The following DIP2B variants were observed in gnomAD, a reference collection of about 807,000 sequenced individuals.
The protein encoded by DIP2B is disco-interacting protein 2 homolog B.
Under a neutral mutation model 198.0 loss-of-function variants are expected in DIP2B, and 76 were observed. The ratio of observed to expected loss-of-function variants is 0.38; its 90% confidence interval spans 0.32 to 0.46. DIP2B has a LOEUF of 0.46. DIP2B is among the 20% of genes least tolerant of loss of function. DIP2B has a pLI of 0.99. For synonymous variants in DIP2B, 701 were observed against 739.1 expected (o/e 0.95, Z 0.84); for missense variants, 1,559 against 1,978.4 (o/e 0.79, Z 4.02).
chr12:50,691,246 A>G lies in DIP2B; in HGVS notation c.1654+95A>G, dbSNP rs1379802477. ...GTGATTGGACCTCATTTAATGACCGAATTCAGAGTGAAATGTCCCAAGACA... is the reference window on the plus strand; with the variant it reads ...GTGATTGGACCTCATTTAATGACCGGATTCAGAGTGAAATGTCCCAAGACA... On this transcript the variant is annotated intron_variant, in intron 13 of 37. Coordinates refer to ENST00000301180, the MANE Select transcript of DIP2B (RefSeq NM_173602.3). 13 of 1,080,206 alleles carry G rather than the reference A, an allele frequency of 1.2e-5. No individual in the cohort carries two copies. The East Asian group carries it at 3.3e-4, about 27-fold the overall frequency. The allele number at this position is 1,080,206 out of a possible 1,614,324, so 66.9% of individuals were successfully genotyped here. A position where few individuals can be genotyped will look rare whatever the true frequency, so the allele number is the denominator to read the frequency against.
intron 37 of DIP2B, among the ~76,000 whole-genome samples, chr12:50,742,633 C>CGAG (rs1468517494): frequency 6.6e-6 from 1 of 152,014 alleles, no homozygotes; most frequent in Non-Finnish European, 1.5e-5. Flanking sequence ...TGGTGGCTCA[C>CGAG]GCCTATAATC....
chr12:50,579,690 T>C, intron 1 of DIP2B, among the ~76,000 whole-genome samples: 1 of 12,874 alleles, frequency 7.8e-5, no homozygotes, highest in Non-Finnish European at 1.3e-4. Flanking sequence ...TATATATATA[T>C]ATATATATAT....
intron 4 of DIP2B, among the ~76,000 whole-genome samples, chr12:50,668,988 G>A (rs1169796143): frequency 6.6e-6 from 1 of 151,504 alleles, no homozygotes; most frequent in Admixed American, 6.6e-5. Context: ...TCTTCTTTAT[G>A]GACCTCATCA....
chr12:50,511,081 G>T (rs1235800526), intron 1 of DIP2B, among the ~76,000 whole-genome samples: 1 of 151,714 alleles, frequency 6.6e-6, no homozygotes, highest in African/African-American at 2.4e-5. Context: ...AAGTAGCTGG[G>T]ATTACAGGCG....
intron 3 of DIP2B, chr12:50,656,959 T>A (rs1938564848): frequency 6.6e-6 from 1 of 152,118 alleles, no homozygotes; most frequent in Non-Finnish European, 1.5e-5. Context: ...ATTGTTATTA[T>A]CATAATTGAT....
chr12:50,714,888 T>C (rs1376383141), intron 23 of DIP2B, among the ~76,000 whole-genome samples: 1 of 152,118 alleles, frequency 6.6e-6, no homozygotes, highest in South Asian at 2.1e-4. Context: ...TAAACCGAGA[T>C]TGCGCCATTG....
At chr12:50,578,437 A>T (rs2139415932) in intron 1 of DIP2B, among the ~76,000 whole-genome samples, 1 of 151,968 alleles carries the variant, frequency 6.6e-6, no homozygotes, top group East Asian at 1.9e-4. Context: ...ATTTCATTAT[A>T]TAGAATCAAA....
chr12:50,535,229 C>T (rs764586906), intron 1 of DIP2B, among the ~76,000 whole-genome samples: 19 of 151,880 alleles, frequency 1.3e-4, no homozygotes, highest in Non-Finnish European at 2.4e-4. Context: ...GTGAGCCTAT[C>T]TCAAAAAGAA....
At chr12:50,704,995 G>T (rs1939489284) in intron 20 of DIP2B, among the ~76,000 whole-genome samples, 1 of 152,072 alleles carries the variant, frequency 6.6e-6, no homozygotes, top group South Asian at 2.1e-4. Context: ...TCAGAACACA[G>T]TATTTATAGG....
intron 19 of DIP2B, among the ~76,000 whole-genome samples, chr12:50,699,752 A>G (rs2139559675): frequency 6.6e-6 from 1 of 152,094 alleles, no homozygotes; most frequent in African/African-American, 2.4e-5. Flanking sequence ...GGTCCCAGCT[A>G]CTCGAAAGGC....
Position 50,739,438 on chromosome 12 carries a change from C to T in DIP2B, c.4206C>T (p.Ser1402=), listed in dbSNP as rs528338671. 14 of 1,613,570 alleles carry T rather than the reference C, an allele frequency of 8.7e-6. No homozygotes were observed. Among genetic ancestry groups the T allele is most frequent in the Admixed American group, 1.7e-5 (1 of 60,016 alleles). ...GGGTGAACAGTCCCCATACAGCCAG[C>T]GGCTACTACACCATCTATGATAGCG... ...EIWVNSPHTA[S]GYYTIYDSET... The change falls in exon 36 of 38, where the codon AGC becomes AGT. Residue 1402 remains serine (S), a synonymous_variant. Transcript: ENST00000301180.
chr12:50,520,837 C>G (rs1958110686), intron 1 of DIP2B, among the ~76,000 whole-genome samples: 1 of 152,090 alleles, frequency 6.6e-6, no homozygotes, highest in East Asian at 1.9e-4. Context: ...ATCAGCCTCC[C>G]TATCTACCTT....
chr12:50,724,975 C>T lies in DIP2B; in HGVS notation c.3400+89C>T, dbSNP rs1939904927. On this transcript the variant is annotated intron_variant, in intron 28 of 37. Coordinates refer to ENST00000301180, the MANE Select transcript of DIP2B (RefSeq NM_173602.3). ...CATTCTCATGCCAGACGTGTTTACC[C>T]TGCCTTTATGTCTTCTGCCTGCTAA... 4.5e-6 allele frequency: 6 copies of T among 1,331,104 alleles called. No homozygotes were observed. In the South Asian group the frequency reaches 7.3e-5, roughly 16 times the overall value. 82.5% of individuals were successfully genotyped at this position (1,331,104 alleles called of 1,614,324 possible). A position where few individuals can be genotyped will look rare whatever the true frequency, so the allele number is the denominator to read the frequency against.
chr12:50,651,793 C>T (rs1938457860), intron 3 of DIP2B, among the ~76,000 whole-genome samples: 1 of 152,100 alleles, frequency 6.6e-6, no homozygotes, highest in Non-Finnish European at 1.5e-5. Context: ...TGGTCTGGAA[C>T]TCCTGGACTC....
chr12:50,519,053 G>A (rs1487248759), intron 1 of DIP2B, among the ~76,000 whole-genome samples: 3 of 151,716 alleles, frequency 2.0e-5, no homozygotes, highest in Non-Finnish European at 2.9e-5. Context: ...CACAGCTTCT[G>A]CGTTTATTTT....
At chr12:50,512,948 A>G (rs548579661) in intron 1 of DIP2B, among the ~76,000 whole-genome samples, 20 of 152,322 alleles carry the variant, frequency 1.3e-4, no homozygotes, top group Middle Eastern at 3.4e-3. Context: ...CGGAGGTTGC[A>G]GTGAGCTAGG....
rs746377467 is a variant in DIP2B, at chr12:50,660,339, T to G, written c.427+20T>G. ...CTCCTGGTAGGTTTATCAGAGCTTT[T>G]TCTCTCTGACAGTTAATACCTTGAT... On this transcript the variant is annotated intron_variant, in intron 4 of 37. Transcript: ENST00000301180. The G allele has an allele frequency of 2.5e-6, 4 of 1,592,314 alleles. No individual in the cohort carries two copies. The highest frequency in any genetic ancestry group is 1.8e-5 in the Admixed American group (1 of 55,550).
At chr12:50,655,903 A>G (rs1396262417) in intron 3 of DIP2B, among the ~76,000 whole-genome samples, 1 of 152,198 alleles carries the variant, frequency 6.6e-6, no homozygotes, top group East Asian at 1.9e-4. Flanking sequence ...TGAGCCTGGG[A>G]TGTGGAGGTT....
At chr12:50,509,789 G>A (rs1379253700) in intron 1 of DIP2B, among the ~76,000 whole-genome samples, 1 of 152,180 alleles carries the variant, frequency 6.6e-6, no homozygotes, top group Non-Finnish European at 1.5e-5. Flanking sequence ...CATGGGAAAC[G>A]GGGCCACTTA....
Sources: gnomAD v4.1 joint callset for allele counts (sites outside exome capture counted in the v4.1 genomes callset) on GRCh38, gnomAD v4.1.1 for gene constraint, MANE v1.5 for transcripts, NCBI Gene and HGNC (gene_info 2026-07-23, HGNC 2026-07-21) for gene names.